Variants in PRKAG2 observed in about 807,000 individuals in gnomAD.
PRKAG2 encodes the protein protein kinase AMP-activated non-catalytic subunit gamma 2, also known as 5'-AMP-activated protein kinase subunit gamma-2.
A neutral mutation model predicts 69.6 loss-of-function variants in PRKAG2; 26 were observed. The ratio of observed to expected loss-of-function variants is 0.37; its 90% CI spans 0.27 to 0.52. The LOEUF (loss-of-function observed/expected upper bound fraction) is 0.52. Among genes scored for constraint, PRKAG2 ranks in the 20% least tolerant of loss-of-function variants. The pLI, the probability that PRKAG2 is intolerant of heterozygous loss-of-function variation, is 0.90. For missense variants in PRKAG2, 557 were observed against 740.0 expected (o/e 0.75, Z 2.87); for synonymous variants, 293 against 285.0 (o/e 1.03, Z -0.28).
chr7:151,736,185 C>A, intron 3 of PRKAG2: 1 of 1,419,526 alleles, frequency 7.0e-7, no homozygotes, highest in Non-Finnish European at 9.2e-7. Context: ...GTCTTCAGGG[C>A]GACCTCACCG....
intron 3 of PRKAG2, among the ~76,000 whole-genome samples, chr7:151,684,732 G>A (rs915116191): frequency 6.6e-6 from 1 of 152,180 alleles, no homozygotes; most frequent in Admixed American, 6.5e-5. Flanking sequence ...CTCCACACAG[G>A]CTCAGTGTGG....
In PRKAG2 at chr7:151,675,466, G is replaced by A; in HGVS notation, c.638C>T (p.Thr213Ile). ...RFCPSSFQSP[T>I]RPPLASPTHY... ...TGTCGGTGATGCCAGTGGAGGCCTG[G>A]TCGGGCTCTGGAAGGAAGACGGGCA... The change falls in exon 4 of 16, where the codon ACC becomes ATC. Residue 213 changes from threonine (T) to isoleucine (I), a missense_variant. By Grantham distance (89) the Thr-to-Ile change is moderately conservative (BLOSUM62 -1). This residue lies in a region of PRKAG2 where 352 missense variants were observed against 356.7 expected (regional missense o/e 0.99). Coordinates refer to ENST00000287878, the MANE Select transcript of PRKAG2 (RefSeq NM_016203.4). 6.2e-7 allele frequency: 1 copy of A among 1,614,192 alleles called. No individual in the cohort carries two copies. The highest frequency in any genetic ancestry group is 1.7e-5 in the Admixed American group (1 of 60,018).
At chr7:151,643,139 A>G (rs1435310183) in intron 4 of PRKAG2, among the ~76,000 whole-genome samples, 2 of 152,214 alleles carry the variant, frequency 1.3e-5, no homozygotes, top group Non-Finnish European at 2.9e-5. Context: ...ATATTTTATT[A>G]TTAGCTTTGT....
chr7:151,824,913 C>T (rs914612987), intron 1 of PRKAG2, among the ~76,000 whole-genome samples: 5 of 152,118 alleles, frequency 3.3e-5, no homozygotes, highest in African/African-American at 4.8e-5. Context: ...TAACTTATAG[C>T]GCTTAAGAAG....
rs545526381 is a variant in PRKAG2, at chr7:151,614,937, T to C, written c.754+17132A>G. Among the ~76,000 whole-genome samples, 4 of 149,920 alleles carry C rather than the reference T, an allele frequency of 2.7e-5. No homozygotes were observed. The highest frequency in any genetic ancestry group is 2.2e-4 in the South Asian group (1 of 4,622). ...CCTCGAGAGAGGAGCCGTGTGGATC[T>C]AGAGGGAACCTCGAGAGAGGAGCCG... On this transcript the variant is annotated intron_variant, in intron 5 of 15. Coordinates refer to ENST00000287878, the MANE Select transcript of PRKAG2 (RefSeq NM_016203.4). The surrounding 1 kb of genome is among the most constrained non-coding windows in gnomAD (Gnocchi z 4.4).
intron 3 of PRKAG2, among the ~76,000 whole-genome samples, chr7:151,680,354 G>T (rs1833676917): frequency 6.6e-6 from 1 of 152,214 alleles, no homozygotes; most frequent in Admixed American, 6.5e-5. Flanking sequence ...TGCAGGCACA[G>T]GCAGCCACCA....
intron 3 of PRKAG2, among the ~76,000 whole-genome samples, chr7:151,740,059 A>G (rs1421550706): frequency 6.6e-6 from 1 of 152,192 alleles, no homozygotes; most frequent in African/African-American, 2.4e-5. Flanking sequence ...AGGATCTCCC[A>G]AGCCTACAGC....
chr7:151,609,997 G>A (rs768729419), intron 5 of PRKAG2, among the ~76,000 whole-genome samples: 34 of 152,220 alleles, frequency 2.2e-4, no homozygotes, highest in African/African-American at 7.7e-4. Context: ...GCTCTACCCC[G>A]GAGGCTGCCA....
Position 151,633,654 on chromosome 7 carries a change from C to T in PRKAG2, c.685-1516G>A, listed in dbSNP as rs1254002541. On this transcript the variant is annotated intron_variant, in intron 4 of 15. Coordinates refer to ENST00000287878, the MANE Select transcript of PRKAG2 (RefSeq NM_016203.4). ...ATATATAAAACAATATCACTTAATA[C>T]AATCACTTCAAAGAAAATTAATACT... Among the ~76,000 whole-genome samples, 4 of 151,942 alleles carry T rather than the reference C, an allele frequency of 2.6e-5. No individual in the cohort carries two copies. In the East Asian group the frequency reaches 5.8e-4, roughly 22 times the overall value.
intron 3 of PRKAG2, among the ~76,000 whole-genome samples, chr7:151,680,807 C>T (rs1386027213): frequency 1.3e-5 from 2 of 152,234 alleles, no homozygotes; most frequent in Non-Finnish European, 2.9e-5. Flanking sequence ...GGACCAGGAC[C>T]TCTGTCCTGT....
intron 1 of PRKAG2, among the ~76,000 whole-genome samples, chr7:151,856,338 C>G (rs544023705): frequency 1.3e-5 from 2 of 152,378 alleles, no homozygotes; most frequent in African/African-American, 4.8e-5. Context: ...CCCGCGCAGC[C>G]GAGGACGCAA....
intron 1 of PRKAG2, chr7:151,809,469 C>T (rs745308331): frequency 2.2e-5 from 7 of 317,434 alleles, no homozygotes; most frequent in East Asian, 1.9e-4. Context: ...AGCACAGGAA[C>T]GGTGCCTTCA....
intron 3 of PRKAG2, among the ~76,000 whole-genome samples, chr7:151,753,191 A>G (rs1465437063): frequency 6.6e-6 from 1 of 152,260 alleles, no homozygotes; most frequent in Non-Finnish European, 1.5e-5. Context: ...AAGGACAACG[A>G]AACAAAACGC....
In PRKAG2 at chr7:151,816,093, AC is replaced by A. The variant is rs145318574; in HGVS notation, c.115-29553del. The stretch of plus-strand genomic sequence containing the variant: ...GTTGCATGGCCATCTACTAAGGCCC[AC>A]GGACAAAAAGGCGGCTGAGTCAGCT... On this transcript the variant is annotated intron_variant, in intron 1 of 15. Transcript: ENST00000287878. 5.3e-3 allele frequency among the ~76,000 whole-genome samples: 807 copies of A among 152,300 alleles called. 3 individuals carry two copies. Among genetic ancestry groups the A allele is most frequent in the African/African-American group, 0.018 (729 of 41,562 alleles).
Position 151,862,102 on chromosome 7 carries a change from G to A in PRKAG2, c.114+14405C>T, listed in dbSNP as rs113365278. Reference sequence around the variant, plus strand: ...CGAGGCACTGGCATCTGGCCCCCGGGCTCTGCATTGCATGAAGGTCTAGGC... The same window carrying A: ...CGAGGCACTGGCATCTGGCCCCCGGACTCTGCATTGCATGAAGGTCTAGGC... On this transcript the variant is annotated intron_variant, in intron 1 of 15. Transcript: ENST00000287878. 2.8e-3 allele frequency among the ~76,000 whole-genome samples: 422 copies of A among 152,210 alleles called. 3 individuals are homozygous for A. Among genetic ancestry groups the A allele is most frequent in the African/African-American group, 9.5e-3 (394 of 41,546 alleles).
chr7:151,761,168 TTAGTTTA>T (rs1441954673), intron 3 of PRKAG2, among the ~76,000 whole-genome samples: 1 of 152,156 alleles, frequency 6.6e-6, no homozygotes, highest in African/African-American at 2.4e-5. Flanking sequence ...TGGGAGAAAT[TTAGTTTA>T]TAGTTTAAAC....
At chr7:151,758,894 G>A (rs1053721849) in intron 3 of PRKAG2, among the ~76,000 whole-genome samples, 3 of 152,178 alleles carry the variant, frequency 2.0e-5, no homozygotes, top group Non-Finnish European at 4.4e-5. Flanking sequence ...AGACTTGAAG[G>A]AGGTCTCTGA....
intron 1 of PRKAG2, among the ~76,000 whole-genome samples, chr7:151,867,284 CAT>C (rs2080103902): frequency 6.6e-6 from 1 of 152,194 alleles, no homozygotes; most frequent in African/African-American, 2.4e-5. Context: ...TGCGGCACCA[CAT>C]ACTGGGGGCT....
intron 6 of PRKAG2, among the ~76,000 whole-genome samples, chr7:151,591,710 AAG>A (rs571694202): frequency 1.2e-3 from 187 of 152,224 alleles, no homozygotes; most frequent in Non-Finnish European, 1.3e-3. Context: ...GGCATGTGGC[AAG>A]TCCAGGCTGC....
Sources: allele counts gnomAD v4.1 joint callset (sites outside exome capture counted in the v4.1 genomes callset), GRCh38; gene constraint gnomAD v4.1.1; regional missense constraint gnomAD v4.1.1; non-coding constraint Gnocchi (gnomAD v3.1); transcripts MANE v1.5; gene names NCBI Gene and HGNC (gene_info 2026-07-23, HGNC 2026-07-21).